Variants in GAS7 observed in about 807,000 individuals in gnomAD.
GAS7 encodes growth arrest specific 7, also known as growth arrest-specific protein 7.
In GAS7, 28 loss-of-function variants were observed where a neutral mutation model predicts 71.1. That is an observed-to-expected ratio of 0.39 (90% CI 0.29 to 0.54). The LOEUF (loss-of-function observed/expected upper bound fraction) is 0.54. Among genes scored for constraint, GAS7 ranks in the 20% least tolerant of loss-of-function variants. The probability of loss-of-function intolerance (pLI) is 0.62; values close to 1 mark genes in which losing one functional copy is unlikely to be tolerated. For missense variants in GAS7, 436 were observed against 627.8 expected (o/e 0.69, Z 3.27); for synonymous variants, 258 against 245.8 (o/e 1.05, Z -0.46).
chr17:10,019,253 C>T (rs1382416455), intron 2 of GAS7, among the ~76,000 whole-genome samples: 1 of 152,076 alleles, frequency 6.6e-6, no homozygotes, highest in South Asian at 2.1e-4. Flanking sequence ...CCCGGCATTT[C>T]CCAAAAAACA....
At chr17:10,105,676 T>TCCCAATCCAAAGAAGCCA (rs1461795451) in intron 1 of GAS7, among the ~76,000 whole-genome samples, 1 of 151,992 alleles carries the variant, frequency 6.6e-6, no homozygotes, top group African/African-American at 2.4e-5. Flanking sequence ...TTCCCTAAGC[T>TCCCAATCCAAAGAAGCCA]CCCAATCCAA....
At chr17:9,984,493 T>C (rs978602563) in intron 2 of GAS7, among the ~76,000 whole-genome samples, 1 of 152,140 alleles carries the variant, frequency 6.6e-6, no homozygotes, top group Admixed American at 6.5e-5. Context: ...GGGTCTTTTA[T>C]GAGGAGTGAC....
chr17:10,112,251 G>A (rs990231112), intron 1 of GAS7, among the ~76,000 whole-genome samples: 5 of 152,234 alleles, frequency 3.3e-5, no homozygotes, highest in African/African-American at 9.6e-5. Flanking sequence ...GACACACAGC[G>A]AGGGATGCTT....
intron 8 of GAS7, among the ~76,000 whole-genome samples, chr17:9,934,759 A>G (rs1567792510): frequency 6.6e-6 from 1 of 152,132 alleles, no homozygotes; most frequent in Non-Finnish European, 1.5e-5. Context: ...GTTCCTTGAG[A>G]CAGTCTTGCT....
At chr17:10,125,277 G>A (rs531282022) in intron 1 of GAS7, among the ~76,000 whole-genome samples, 26 of 152,194 alleles carry the variant, frequency 1.7e-4, no homozygotes, top group African/African-American at 6.3e-4. Context: ...CAGCACTTTG[G>A]GAGGCCAAGG....
At chr17:10,118,729 C>CCTTGTGTA (rs1166951224) in intron 1 of GAS7, among the ~76,000 whole-genome samples, 1 of 142,606 alleles carries the variant, frequency 7.0e-6, no homozygotes, top group Admixed American at 7.1e-5. Context: ...AAAAAAAAGC[C>CCTTGTGTA]CTTGTGTATC....
At chr17:10,081,667 G>A (rs529524922) in intron 1 of GAS7, among the ~76,000 whole-genome samples, 1 of 152,288 alleles carries the variant, frequency 6.6e-6, no homozygotes, top group South Asian at 2.1e-4. Context: ...ATAAACATTT[G>A]AAAACAGACA....
chr17:10,085,294 C>T (rs1368776830), intron 1 of GAS7, among the ~76,000 whole-genome samples: 1 of 152,142 alleles, frequency 6.6e-6, no homozygotes, highest in African/African-American at 2.4e-5. Context: ...GGAGTGTGGA[C>T]ACCTGTCCTT....
intron 9 of GAS7, among the ~76,000 whole-genome samples, chr17:9,927,509 A>C (rs967983113): frequency 6.6e-6 from 1 of 151,886 alleles, no homozygotes; most frequent in Non-Finnish European, 1.5e-5. Context: ...AACAAACAAA[A>C]AACAATAATA....
chr17:10,064,575 T>C (rs1423505032), intron 1 of GAS7, among the ~76,000 whole-genome samples: 4 of 152,146 alleles, frequency 2.6e-5, no homozygotes, highest in Non-Finnish European at 4.4e-5. Flanking sequence ...TACCTGGAAT[T>C]TGGTTTTGGA....
chr17:9,997,367 T>C (rs756482174), intron 2 of GAS7, among the ~76,000 whole-genome samples: 1 of 152,184 alleles, frequency 6.6e-6, no homozygotes, highest in Non-Finnish European at 1.5e-5. Context: ...AGGAAAAGAT[T>C]GGCATATTTA....
chr17:9,947,692 C>T (rs749642858), intron 5 of GAS7, among the ~76,000 whole-genome samples: 3 of 150,900 alleles, frequency 2.0e-5, no homozygotes, highest in African/African-American at 2.4e-5. Context: ...TGCAGTGAGC[C>T]GAGATGGCAC....
At chr17:10,134,496 C>T (rs1265988588) in intron 1 of GAS7, among the ~76,000 whole-genome samples, 1 of 152,168 alleles carries the variant, frequency 6.6e-6, no homozygotes, top group Non-Finnish European at 1.5e-5. Flanking sequence ...TTTTGTGGAA[C>T]CTCCATCCTG....
intron 1 of GAS7, among the ~76,000 whole-genome samples, chr17:10,174,436 T>C (rs1233394923): frequency 6.6e-6 from 1 of 152,156 alleles, no homozygotes; most frequent in African/African-American, 2.4e-5. Flanking sequence ...CTCACATCTA[T>C]AATCCCAGCA....
chr17:9,936,053 G>A (rs1374557822), intron 8 of GAS7, among the ~76,000 whole-genome samples: 1 of 152,198 alleles, frequency 6.6e-6, no homozygotes, highest in Non-Finnish European at 1.5e-5. Flanking sequence ...GGAAACAGAT[G>A]ATCTTTTTAA....
In GAS7 at chr17:9,916,753, G is replaced by A; in HGVS notation, c.*475C>T. 1 of 396,216 alleles carries A rather than the reference G, an allele frequency of 2.5e-6. No homozygotes were observed. The highest frequency in any genetic ancestry group is 2.1e-5 in the African/African-American group (1 of 48,708). The allele number at this position is 396,216 out of a possible 1,614,324, so 24.5% of individuals were successfully genotyped here. On this transcript the variant is annotated 3_prime_UTR_variant, in exon 14 of 14. Transcript: ENST00000432992. ...AAGAAGGAGGGCTGCAAAGGATTCT[G>A]GGTGCGGCTGTGAGCTGAATGGCAC...
intron 6 of GAS7, among the ~76,000 whole-genome samples, chr17:9,944,484 G>A (rs150990369): frequency 6.6e-6 from 1 of 152,208 alleles, no homozygotes; most frequent in Admixed American, 6.5e-5. Context: ...GGGGTGGGTT[G>A]CATCTCTCAG....
intron 1 of GAS7, chr17:10,039,631 C>A: frequency 2.4e-6 from 1 of 408,654 alleles, no homozygotes; most frequent in Non-Finnish European, 4.9e-6. Flanking sequence ...TGTAGTGAGC[C>A]AAGATCATGC....
chr17:10,017,459 G>T (rs1235873687), intron 2 of GAS7, among the ~76,000 whole-genome samples: 4 of 152,040 alleles, frequency 2.6e-5, no homozygotes, highest in African/African-American at 9.7e-5. Context: ...CTCCCGGGTA[G>T]CTGGGACTAC....
Sources: allele counts gnomAD v4.1 joint callset (sites outside exome capture counted in the v4.1 genomes callset), GRCh38; gene constraint gnomAD v4.1.1; transcripts MANE v1.5; gene names NCBI Gene and HGNC (gene_info 2026-07-23, HGNC 2026-07-21).